The following SETDB1 variants were observed in gnomAD, a reference collection of about 807,000 sequenced individuals.
SETDB1 encodes the protein histone-lysine N-methyltransferase SETDB1.
In SETDB1, 31 loss-of-function variants were observed where a neutral mutation model predicts 137.4. The observed-to-expected ratio is 0.23, with a 90% CI of 0.17 to 0.30. The LOEUF is 0.30. Among genes scored for constraint, SETDB1 ranks in the 10% least tolerant of loss-of-function variants. SETDB1 has a pLI of 1.00. For missense variants in SETDB1, 1,113 were observed against 1,631.5 expected, an observed-to-expected ratio of 0.68 and a Z score of 5.47; for synonymous variants, 548 against 579.9, an observed-to-expected ratio of 0.95 and a Z score of 0.79.
rs891691556 is a variant in SETDB1 at position 150,951,044 on chromosome 1, C to G, written c.2170C>G (p.Pro724Ala). The G allele has an allele frequency of 1.2e-6, 2 of 1,612,764 alleles. No homozygotes were observed. The highest frequency in any genetic ancestry group is 1.7e-6 in the Non-Finnish European group (2 of 1,179,028). ...PGKGVFINTG[P>A]EFLVGCDCKD... Reference sequence around the variant, plus strand: ...CAAGGGTGTTTTCATTAACACAGGCCCTGAATTTCTGGTTGGCTGTGACTG... The same window carrying G: ...CAAGGGTGTTTTCATTAACACAGGCGCTGAATTTCTGGTTGGCTGTGACTG... Residue 724 changes from proline (P) to alanine (A), a missense_variant, in exon 13 of 22, where the codon CCT becomes GCT. By Grantham distance (27) the Pro-to-Ala change is conservative. This residue lies in a region of SETDB1 where 81 missense variants were observed against 123.4 expected (regional missense o/e 0.66). Coordinates refer to ENST00000692827, the MANE Select transcript of SETDB1 (RefSeq NM_001366418.1).
At chr1:150,961,297 A>G (rs1670811994) in intron 16 of SETDB1, 106 bp downstream of exon 16, 1 of 1,192,732 alleles carries the variant, frequency 8.4e-7, no homozygotes, top group Non-Finnish European at 1.2e-6. Flanking sequence ...CTTGATGGAT[A>G]TTTCTGTGGC....
At chr1:150,959,135 T>C in intron 14 of SETDB1, 43 bp from the exon 15 acceptor site, 1 of 1,414,300 alleles carries the variant, frequency 7.1e-7, no homozygotes, top group Non-Finnish European at 9.5e-7. Flanking sequence ...TTTTGTGCTC[T>C]AGTGATCATA....
At chr1:150,962,541 G>C (rs1670854452) in intron 17 of SETDB1, 46 bp from the exon 18 acceptor site, 2 of 1,606,132 alleles carry the variant, frequency 1.2e-6, no homozygotes, top group African/African-American at 1.3e-5. Context: ...AGAAGCCTAA[G>C]AAACAGCCAG....
chr1:150,936,597 A>G (rs1386604640), intron 3 of SETDB1, among the ~76,000 whole-genome samples: 1 of 152,198 alleles, frequency 6.6e-6, no homozygotes, highest in Admixed American at 6.5e-5. Flanking sequence ...ATTCTTGTAC[A>G]TGTCTCCTGA....
Position 150,964,388 on chromosome 1 carries a change from T to TA in SETDB1, c.*24_*25insA. ...AGAGGACAGCCTTCTTCCCAACCCT[T>TA]CTTGAACTGTCGTTTCCTCAGGAAC... On this transcript the variant is annotated 3_prime_UTR_variant, in exon 22 of 22. Coordinates refer to ENST00000692827, the MANE Select transcript of SETDB1 (RefSeq NM_001366418.1). The TA allele has an allele frequency of 6.5e-7, 1 of 1,543,752 alleles. No homozygotes were observed. The highest frequency in any genetic ancestry group is 8.9e-7 in the Non-Finnish European group (1 of 1,117,518).
chr1:150,962,755 G>C lies in SETDB1; in HGVS notation c.3294+36G>C, dbSNP rs759485645. 3.1e-6 allele frequency: 5 copies of C among 1,606,352 alleles called. No individual in the cohort carries two copies. The African/African-American group carries it at 6.7e-5, about 22-fold the overall frequency. On this transcript the variant is annotated intron_variant, in intron 18 of 21. Coordinates refer to ENST00000692827, the MANE Select transcript of SETDB1 (RefSeq NM_001366418.1). The stretch of plus-strand genomic sequence containing the variant: ...TCAAGCTTATTCAGAGTCTAATAAA[G>C]GAAAATGGGCCATTGTCACCTCATC...
chr1:150,942,402 C>T (rs587637532), intron 5 of SETDB1, among the ~76,000 whole-genome samples, 161 bp from the exon 6 acceptor site: 4 of 150,066 alleles, frequency 2.7e-5, no homozygotes, highest in South Asian at 2.1e-4. Flanking sequence ...GAGCCAAGAT[C>T]GCACCACTGC....
chr1:150,942,764 A>G, intron 6 of SETDB1, 76 bp downstream of exon 6: 2 of 1,597,704 alleles, frequency 1.3e-6, no homozygotes, highest in South Asian at 2.2e-5. Context: ...TTTTCCCCAT[A>G]ACCTTCCCAT....
At chr1:150,937,151 T>C (rs930978452) in intron 3 of SETDB1, among the ~76,000 whole-genome samples, 15 of 147,742 alleles carry the variant, frequency 1.0e-4, no homozygotes, top group African/African-American at 3.5e-4. Context: ...TGTATATATA[T>C]AGTATTACCA....
intron 3 of SETDB1, among the ~76,000 whole-genome samples, chr1:150,933,891 C>A (rs1669864342): frequency 6.9e-6 from 1 of 145,760 alleles, no homozygotes; most frequent in African/African-American, 2.6e-5. Flanking sequence ...TCAAGCGATT[C>A]TCCTGCCTCA....
chr1:150,945,050 C>T lies in SETDB1; in HGVS notation c.1082C>T (p.Thr361Met), dbSNP rs754010084. The change falls in exon 9 of 22, where the codon ACG (threonine) becomes ATG (methionine). Residue 361 changes from threonine (T) to methionine (M), a missense_variant. By Grantham distance (81) the Thr-to-Met change is moderately conservative. Transcript: ENST00000692827. Reference sequence around the variant, plus strand: ...CTTATCAAGACTGAGTGGGAAGGCACGTGGTGGAAGTCCCGAGTTGAGGAG... The same window carrying T: ...CTTATCAAGACTGAGTGGGAAGGCATGTGGTGGAAGTCCCGAGTTGAGGAG... ...GQLIKTEWEG[T>M]WWKSRVEEVD... The T allele has an allele frequency of 1.2e-5, 20 of 1,613,944 alleles. No homozygotes were observed. Among genetic ancestry groups the T allele is most frequent in the East Asian group, 4.5e-5 (2 of 44,902 alleles).
intron 2 of SETDB1, among the ~76,000 whole-genome samples, chr1:150,929,214 T>C (rs1243697481): frequency 2.0e-5 from 3 of 152,138 alleles, no homozygotes; most frequent in Non-Finnish European, 4.4e-5. Context: ...CCACCAACAG[T>C]GTAAAAGTGT....
At chr1:150,946,427 A>T (rs1486641023) in intron 9 of SETDB1, among the ~76,000 whole-genome samples, 1 of 151,702 alleles carries the variant, frequency 6.6e-6, no homozygotes, top group East Asian at 1.9e-4. Flanking sequence ...GGATCCTGGC[A>T]CATACTTTAT....
At chr1:150,947,050 G>C (rs776088598) in intron 10 of SETDB1, 38 bp downstream of exon 10, 2 of 1,611,778 alleles carry the variant, frequency 1.2e-6, no homozygotes, top group South Asian at 2.2e-5. Flanking sequence ...GGAAGAAACA[G>C]GCCAACCAGC....
At chr1:150,958,226 C>CTTTTTTTTTTTTTTTTTTT (rs796507284) in intron 14 of SETDB1, among the ~76,000 whole-genome samples, 1 of 134,618 alleles carries the variant, frequency 7.4e-6, no homozygotes, top group Non-Finnish European at 1.6e-5. Context: ...AAATTATGAC[C>CTTTTTTTTTTTTTTTTTTT]TTTTTTTTTT....
chr1:150,945,111 ACTGTT>A lies in SETDB1; in HGVS notation c.1140+6_1140+10del. 1 of 1,613,902 alleles carries A rather than the reference ACTGTT, an allele frequency of 6.2e-7. No homozygotes were observed. The highest frequency in any genetic ancestry group is 8.5e-7 in the Non-Finnish European group (1 of 1,179,918). On this transcript the variant is annotated splice_donor_5th_base_variant and intron_variant, in intron 9 of 21. Transcript: ENST00000692827. ...GCCTAGTCAGGATCCTCTTCCTGGT[ACTGTT>A]CTTCTCTACAATTTTGGAGGCAGAG... is the stretch of plus-strand genomic sequence containing the variant.
At chr1:150,955,737 ATCTG>A (rs1186718074) in intron 14 of SETDB1, among the ~76,000 whole-genome samples, 1 of 152,174 alleles carries the variant, frequency 6.6e-6, no homozygotes, top group Non-Finnish European at 1.5e-5. Flanking sequence ...CAAGGATCTT[ATCTG>A]TCTCTTTGTC....
At chr1:150,956,385 CA>C (rs5777743) in intron 14 of SETDB1, among the ~76,000 whole-genome samples, 2,280 of 116,804 alleles carry the variant, frequency 0.02, 27 homozygotes, top group Non-Finnish European at 0.03. Flanking sequence ...GACTCCGCCT[CA>C]AAAAAAAAAA....
rs377073021 is a variant in SETDB1 at position 150,927,907 on chromosome 1, G to A, written c.193G>A (p.Glu65Lys). The A allele has an allele frequency of 6.2e-7, 1 of 1,614,240 alleles. No individual in the cohort carries two copies. The highest frequency in any genetic ancestry group is 8.5e-7 in the Non-Finnish European group (1 of 1,180,042). ...ACGCAAGAAGCAGCTAGCAGAGTTA[G>A]AGACATGGGTAATACAGAAAGAATC... ...QQRKKQLAEL[E>K]TWVIQKESEV... Residue 65 changes from glutamate (E) to lysine (K), a missense_variant, in exon 2 of 22, where the codon GAG (glutamate) becomes AAG (lysine). Glu to Lys is a moderately conservative substitution (Grantham distance 56, BLOSUM62 1). This residue lies in a region of SETDB1 where 159 missense variants were observed against 188.6 expected (regional missense o/e 0.84). Transcript: ENST00000692827.
Sources: allele counts gnomAD v4.1 joint callset (sites outside exome capture counted in the v4.1 genomes callset), GRCh38; gene constraint gnomAD v4.1.1; regional missense constraint gnomAD v4.1.1; transcripts MANE v1.5; gene names NCBI Gene and HGNC (gene_info 2026-07-23, HGNC 2026-07-21).